Variants in EPHB2 observed in about 807,000 individuals in gnomAD.
EPHB2 encodes EPH receptor B2.
In EPHB2, 18 loss-of-function variants were observed where a neutral mutation model predicts 96.4. The ratio of observed to expected loss-of-function variants is 0.19; its 90% confidence interval spans 0.13 to 0.28. The LOEUF is 0.28. EPHB2 is among the 10% of genes least tolerant of loss of function. EPHB2 has a pLI of 1.00. For synonymous variants in EPHB2, 506 were observed against 534.1 expected (o/e 0.95, Z 0.72); for missense variants, 989 against 1,355.4 (o/e 0.73, Z 4.25).
chr1:22,878,382 C>T (rs1638914728), intron 5 of EPHB2, among the ~76,000 whole-genome samples: 1 of 152,374 alleles, frequency 6.6e-6, no homozygotes, highest in East Asian at 1.9e-4. Flanking sequence ...GCATGGTGCC[C>T]ATCCTGGGAC....
chr1:22,869,872 C>T (rs570241282), intron 5 of EPHB2, among the ~76,000 whole-genome samples: 2 of 152,292 alleles, frequency 1.3e-5, no homozygotes, highest in South Asian at 2.1e-4. Context: ...AGTTCTTGTT[C>T]GTCTCCCCCA....
At chr1:22,760,158 C>G (rs780561881) in intron 1 of EPHB2, among the ~76,000 whole-genome samples, 2 of 152,080 alleles carry the variant, frequency 1.3e-5, no homozygotes, top group Non-Finnish European at 2.9e-5. Flanking sequence ...CATAACCTGA[C>G]TCAGTCTTGC....
intron 6 of EPHB2, among the ~76,000 whole-genome samples, chr1:22,885,685 A>G (rs1639200813): frequency 6.6e-6 from 1 of 152,062 alleles, no homozygotes; most frequent in Non-Finnish European, 1.5e-5. Flanking sequence ...TGCCTCCCAG[A>G]TTTTTTTCCC....
intron 3 of EPHB2, among the ~76,000 whole-genome samples, chr1:22,852,424 C>T (rs751865813): frequency 1.4e-4 from 22 of 152,224 alleles, no homozygotes; most frequent in Non-Finnish European, 2.6e-4. Flanking sequence ...AATTGCTTCA[C>T]CAGAGTGGGG....
intron 3 of EPHB2, among the ~76,000 whole-genome samples, chr1:22,853,375 A>C (rs12062524): frequency 0.015 from 2,341 of 152,282 alleles, 58 homozygotes; most frequent in African/African-American, 0.054. Context: ...TCTCAGCCAG[A>C]CACTGGGGCT....
chr1:22,794,021 A>G (rs941623794), intron 3 of EPHB2, among the ~76,000 whole-genome samples: 3 of 152,136 alleles, frequency 2.0e-5, no homozygotes, highest in African/African-American at 4.8e-5. Flanking sequence ...TTGAGTCCCA[A>G]TCCTGTAGAC....
Position 22,821,332 on chromosome 1 carries a change from G to A in EPHB2, c.811+36256G>A, listed in dbSNP as rs115968364. Among the ~76,000 whole-genome samples, 879 of 152,302 alleles carry A rather than the reference G, an allele frequency of 5.8e-3. 3 individuals carry two copies. The highest frequency in any genetic ancestry group is 9.3e-3 in the Non-Finnish European group (631 of 68,034). On this transcript the variant is annotated intron_variant, in intron 3 of 15. Coordinates refer to ENST00000374630, the MANE Select transcript of EPHB2 (RefSeq NM_017449.5). ...GCCATGTGCCCAGCTAAAAAGTAGAGCCTATTGTTAAGGAATAAGGAGAGG... is the reference window on the plus strand; with the variant it reads ...GCCATGTGCCCAGCTAAAAAGTAGAACCTATTGTTAAGGAATAAGGAGAGG...
chr1:22,778,789 G>T (rs569982344), intron 1 of EPHB2, among the ~76,000 whole-genome samples: 6 of 152,342 alleles, frequency 3.9e-5, no homozygotes, highest in Admixed American at 3.3e-4. Flanking sequence ...CCCACCCTAA[G>T]CTTCTTGGGA....
At chr1:22,785,811 T>C (rs1203561062) in intron 3 of EPHB2, among the ~76,000 whole-genome samples, 1 of 152,238 alleles carries the variant, frequency 6.6e-6, no homozygotes, top group African/African-American at 2.4e-5. Context: ...CGACTCCCCC[T>C]TGTACTATGT....
At chr1:22,823,563 C>G (rs1040405843) in intron 3 of EPHB2, among the ~76,000 whole-genome samples, 1 of 143,438 alleles carries the variant, frequency 7.0e-6, no homozygotes, top group African/African-American at 2.6e-5. Flanking sequence ...GACTGTGATG[C>G]TCATACAGTT....
chr1:22,856,720 G>C (rs1645705164), intron 3 of EPHB2, among the ~76,000 whole-genome samples: 1 of 152,138 alleles, frequency 6.6e-6, no homozygotes. Context: ...AATGATAATG[G>C]TACCTAGTTG....
intron 5 of EPHB2, among the ~76,000 whole-genome samples, chr1:22,870,804 C>G (rs1427698342): frequency 6.6e-6 from 1 of 152,240 alleles, no homozygotes; most frequent in Non-Finnish European, 1.5e-5. Context: ...GCAGCCGAAC[C>G]TGGCTTTGAG....
chr1:22,820,592 G>C (rs1363851130), intron 3 of EPHB2, among the ~76,000 whole-genome samples: 1 of 151,986 alleles, frequency 6.6e-6, no homozygotes, highest in African/African-American at 2.4e-5. Context: ...GAGCCCAGGA[G>C]GTTGAGGCTG....
At chr1:22,867,515 A>G (rs1332116197) in intron 5 of EPHB2, among the ~76,000 whole-genome samples, 1 of 152,006 alleles carries the variant, frequency 6.6e-6, no homozygotes, top group African/African-American at 2.4e-5. Context: ...CCCTGGGTGG[A>G]TTTAAGCCCT....
At chr1:22,848,553 T>C (rs7514049) in intron 3 of EPHB2, among the ~76,000 whole-genome samples, 3,775 of 152,242 alleles carry the variant, frequency 0.025, 134 homozygotes, top group African/African-American at 0.085. Context: ...CCCCAGGTCT[T>C]TTTCACTGGG....
At chr1:22,722,494 T>A (rs1244568029) in intron 1 of EPHB2, among the ~76,000 whole-genome samples, 1 of 152,196 alleles carries the variant, frequency 6.6e-6, no homozygotes, top group African/African-American at 2.4e-5. Context: ...TACTCAAGGT[T>A]ACATAGCTGT....
intron 1 of EPHB2, among the ~76,000 whole-genome samples, chr1:22,754,817 AAGGG>A: frequency 2.4e-5 from 2 of 82,108 alleles, no homozygotes; most frequent in Non-Finnish European, 4.5e-5. Context: ...GAGGCAGGGG[AAGGG>A]AGGTGAGGGG....
At chr1:22,717,827 G>A (rs1437869305) in intron 1 of EPHB2, among the ~76,000 whole-genome samples, 1 of 152,140 alleles carries the variant, frequency 6.6e-6, no homozygotes, top group Non-Finnish European at 1.5e-5. Context: ...GAGCCTGGGG[G>A]TTACAGGAAA....
chr1:22,806,499 ACGG>A (rs1644927997), intron 3 of EPHB2, among the ~76,000 whole-genome samples: 4 of 104,936 alleles, frequency 3.8e-5, no homozygotes, highest in African/African-American at 2.2e-4. Flanking sequence ...GGACGGACGG[ACGG>A]ACGGATGGAT....
Sources: allele counts gnomAD v4.1 joint callset (sites outside exome capture counted in the v4.1 genomes callset), GRCh38; gene constraint gnomAD v4.1.1; transcripts MANE v1.5; gene names NCBI Gene and HGNC (gene_info 2026-07-23, HGNC 2026-07-21).